Variants in PRKN observed in about 807,000 individuals in gnomAD.
The protein encoded by PRKN is E3 ubiquitin-protein ligase parkin.
PRKN carries 56 observed loss-of-function variants against 59.5 expected under a neutral mutation model. The observed-to-expected ratio is 0.94, with a 90% CI of 0.76 to 1.18. The LOEUF is 1.18. Ranked by LOEUF, PRKN falls within the 50% of genes most tolerant of loss-of-function variation. The pLI is 0.00. For synonymous variants in PRKN, 250 were observed against 222.1 expected, an observed-to-expected ratio of 1.13 and a Z score of -1.12; for missense variants, 657 against 596.4, an observed-to-expected ratio of 1.10 and a Z score of -1.06.
At chr6:162,538,759 A>G (rs532161530) in intron 1 of PRKN, among the ~76,000 whole-genome samples, 1 of 152,358 alleles carries the variant, frequency 6.6e-6, no homozygotes, top group African/African-American at 2.4e-5. Flanking sequence ...TGTCGTCAGC[A>G]GAAAGGACCT....
intron 4 of PRKN, among the ~76,000 whole-genome samples, chr6:162,140,900 G>A (rs867153591): frequency 5.3e-5 from 8 of 152,226 alleles, no homozygotes; most frequent in Middle Eastern, 3.4e-3. Context: ...AGGCCGAGGC[G>A]GGCAGATCAC....
At chr6:162,160,451 CTGGTTCTGGACATGTTCAT>C in intron 4 of PRKN, among the ~76,000 whole-genome samples, 1 of 152,190 alleles carries the variant, frequency 6.6e-6, no homozygotes, top group Non-Finnish European at 1.5e-5. Flanking sequence ...GGAGACTTTC[CTGGTTCTGGACATGTTCAT>C]TATGATAGCA....
At position 161,584,987 on chromosome 6, in the gene PRKN, G is replaced by A. The variant is rs961746868; in HGVS notation, c.872-15571C>T. On this transcript the variant is annotated intron_variant, in intron 7 of 11. Transcript: ENST00000366898. The surrounding 1 kb of genome is among the most constrained non-coding windows in gnomAD (Gnocchi z 4.8). ...AATGTCAACAATGGCTTCTCCATTT[G>A]TATGAAGCCCAATTTGTATTTGGAG... is the stretch of plus-strand genomic sequence containing the variant. 2.0e-5 allele frequency among the ~76,000 whole-genome samples: 3 copies of A among 152,176 alleles called. No individual in the cohort carries two copies. The highest frequency in any genetic ancestry group is 7.2e-5 in the African/African-American group (3 of 41,436).
intron 9 of PRKN, among the ~76,000 whole-genome samples, chr6:161,392,649 A>C (rs1304809313): frequency 6.6e-6 from 1 of 151,954 alleles, no homozygotes; most frequent in East Asian, 1.9e-4. Context: ...TTCATTTGAC[A>C]ATAAACATGG....
chr6:161,690,785 T>C (rs865877728), intron 7 of PRKN, among the ~76,000 whole-genome samples: 2 of 152,150 alleles, frequency 1.3e-5, no homozygotes, highest in African/African-American at 2.4e-5. Flanking sequence ...CTGACTGGAA[T>C]GCACACCATT....
chr6:162,071,105 G>T (rs1344478426), intron 4 of PRKN, among the ~76,000 whole-genome samples: 1 of 151,942 alleles, frequency 6.6e-6, no homozygotes, highest in Non-Finnish European at 1.5e-5. Context: ...AGCACATCGT[G>T]TCACGTTTTC....
At chr6:162,033,593 A>G (rs1783722842) in intron 5 of PRKN, among the ~76,000 whole-genome samples, 1 of 152,194 alleles carries the variant, frequency 6.6e-6, no homozygotes, top group Admixed American at 6.5e-5. Flanking sequence ...TTTGGTCAAT[A>G]TCTCTTTAAA....
chr6:162,218,997 A>C (rs1777819712), intron 3 of PRKN, among the ~76,000 whole-genome samples: 1 of 152,026 alleles, frequency 6.6e-6, no homozygotes, highest in Admixed American at 6.6e-5. Context: ...AACATGGAGA[A>C]ACCCTGTCTC....
At chr6:161,877,953 C>T (rs1308035913) in intron 6 of PRKN, among the ~76,000 whole-genome samples, 2 of 151,836 alleles carry the variant, frequency 1.3e-5, no homozygotes, top group Non-Finnish European at 2.9e-5. Context: ...TGGGTGGGCT[C>T]ATTTTATGCA....
chr6:162,536,321 G>A (rs1441383371), intron 1 of PRKN, among the ~76,000 whole-genome samples: 2 of 151,974 alleles, frequency 1.3e-5, no homozygotes, highest in African/African-American at 2.4e-5. Context: ...CTATTCTAAG[G>A]GTCCAGAACA....
At chr6:161,858,520 C>A (rs115390931) in intron 6 of PRKN, among the ~76,000 whole-genome samples, 1 of 152,156 alleles carries the variant, frequency 6.6e-6, no homozygotes, top group Non-Finnish European at 1.5e-5. Context: ...ACAGCCCTAA[C>A]CATCAAGATG....
chr6:162,133,277 G>T (rs565112772), intron 4 of PRKN, among the ~76,000 whole-genome samples: 1 of 152,172 alleles, frequency 6.6e-6, no homozygotes, highest in Non-Finnish European at 1.5e-5. Context: ...TCTGTGAAGT[G>T]ATCGGATTCA....
chr6:161,380,238 T>C (rs1785907224), intron 10 of PRKN, among the ~76,000 whole-genome samples: 1 of 152,176 alleles, frequency 6.6e-6, no homozygotes, highest in Non-Finnish European at 1.5e-5. Context: ...TTTCACTTCT[T>C]TCAATGAACA....
intron 4 of PRKN, among the ~76,000 whole-genome samples, chr6:162,101,500 C>T (rs1005478685): frequency 1.3e-5 from 2 of 150,536 alleles, no homozygotes; most frequent in East Asian, 3.9e-4. Flanking sequence ...AACCCTGTCT[C>T]TACTAAAAAA....
At chr6:161,847,463 C>A (rs1444383618) in intron 6 of PRKN, among the ~76,000 whole-genome samples, 1 of 152,202 alleles carries the variant, frequency 6.6e-6, no homozygotes, top group Non-Finnish European at 1.5e-5. Flanking sequence ...GACATCCTCT[C>A]CCCTCCTCAG....
intron 9 of PRKN, among the ~76,000 whole-genome samples, chr6:161,511,955 C>A (rs1778408585): frequency 6.6e-6 from 1 of 152,210 alleles, no homozygotes; most frequent in Admixed American, 6.5e-5. Context: ...TGTGAGGGTT[C>A]AGCCAAGGCT....
chr6:161,532,056 C>CA (rs1456382275), intron 9 of PRKN, among the ~76,000 whole-genome samples: 2 of 151,662 alleles, frequency 1.3e-5, no homozygotes, highest in South Asian at 4.2e-4. Context: ...TTCCCTGAAA[C>CA]AAAAAACTAA....
chr6:161,645,197 A>G (rs6939123), intron 7 of PRKN, among the ~76,000 whole-genome samples: 15,134 of 152,004 alleles, frequency 0.1, 866 homozygotes, highest in African/African-American at 0.15. Context: ...ATGATGTTTC[A>G]AAATCTTACG....
chr6:162,421,410 A>C (rs950763298), intron 2 of PRKN, among the ~76,000 whole-genome samples: 3 of 152,224 alleles, frequency 2.0e-5, no homozygotes, highest in African/African-American at 7.2e-5. Flanking sequence ...CAGTTGATGG[A>C]GCTAAGACCC....
Sources: gnomAD v4.1 joint callset for allele counts (sites outside exome capture counted in the v4.1 genomes callset) on GRCh38, gnomAD v4.1.1 for gene constraint, Gnocchi (gnomAD v3.1) non-coding constraint, MANE v1.5 for transcripts, NCBI Gene and HGNC (gene_info 2026-07-23, HGNC 2026-07-21) for gene names.